The following RAPGEF2 variants were observed in gnomAD, a reference collection of about 807,000 sequenced individuals.
The protein encoded by RAPGEF2 is PDZ domain containing guanine nucleotide exchange factor (GEF) 1.
RAPGEF2 carries 54 observed loss-of-function variants against 186.7 expected under a neutral mutation model. The ratio of observed to expected loss-of-function variants is 0.29; its 90% CI spans 0.23 to 0.36. The LOEUF is 0.36. Among genes scored for constraint, RAPGEF2 ranks in the 10% least tolerant of loss-of-function variants. The probability of loss-of-function intolerance (pLI) is 1.00; values close to 1 mark genes in which losing one functional copy is unlikely to be tolerated. For missense variants in RAPGEF2, 1,532 were observed against 2,045.0 expected, an observed-to-expected ratio of 0.75 and a Z score of 4.84; for synonymous variants, 712 against 705.9, an observed-to-expected ratio of 1.01 and a Z score of -0.14.
chr4:159,241,238 G>T lies in RAPGEF2; in HGVS notation c.395G>T (p.Arg132Leu). Residue 132 changes from arginine to leucine, a missense_variant, in exon 6 of 30, where the codon CGG (arginine) becomes CTG (leucine). Physicochemically the swap from Arg to Leu is moderately radical, Grantham distance 102 (BLOSUM62 -2). Transcript: ENST00000691494. ...YMDENEEYFQ[R>L]QASHRQSRRR... ...GATGAAAATGAAGAATATTTTCAGCGGCAAGCTTCCCATAGACAGTCTCGA... is the reference window on the plus strand; with the variant it reads ...GATGAAAATGAAGAATATTTTCAGCTGCAAGCTTCCCATAGACAGTCTCGA... The T allele has an allele frequency of 1.3e-6, 2 of 1,529,798 alleles. No homozygotes were observed. The highest frequency in any genetic ancestry group is 1.7e-6 in the Non-Finnish European group (2 of 1,143,302). 94.8% of individuals were successfully genotyped at this position (1,529,798 alleles called of 1,614,324 possible). A position where few individuals can be genotyped will look rare whatever the true frequency, so the allele number is the denominator to read the frequency against.
intron 11 of RAPGEF2, among the ~76,000 whole-genome samples, chr4:159,324,217 G>A (rs894332745): frequency 2.0e-5 from 3 of 151,158 alleles, no homozygotes; most frequent in East Asian, 2.0e-4. Flanking sequence ...TAGTAGAGAC[G>A]GGGTCTTGCC....
intron 7 of RAPGEF2, among the ~76,000 whole-genome samples, chr4:159,270,835 C>T (rs2110811769): frequency 6.6e-6 from 1 of 152,088 alleles, no homozygotes; most frequent in African/African-American, 2.4e-5. Flanking sequence ...AGATGAATAC[C>T]CATGTGTCAC....
chr4:159,226,716 A>G (rs534860718), intron 4 of RAPGEF2, among the ~76,000 whole-genome samples: 1 of 152,106 alleles, frequency 6.6e-6, no homozygotes, highest in Non-Finnish European at 1.5e-5. Flanking sequence ...ATTCCTCAGT[A>G]TTTTATGTTT....
Position 159,284,213 on chromosome 4 carries a change from G to T in RAPGEF2, c.544-20129G>T, listed in dbSNP as rs140158648. ...TTTTTAGAGTTTTCCCCAATCAATGGAGAAAAGCACCTACCTTCGCCTAAC... is the reference window on the plus strand; with the variant it reads ...TTTTTAGAGTTTTCCCCAATCAATGTAGAAAAGCACCTACCTTCGCCTAAC... On this transcript the variant is annotated intron_variant, in intron 7 of 29. Coordinates refer to ENST00000691494, the MANE Select transcript of RAPGEF2 (RefSeq NM_001394067.2). Among the ~76,000 whole-genome samples, 618 of 152,120 alleles carry T rather than the reference G, an allele frequency of 4.1e-3. 2 individuals are homozygous for T. The highest frequency in any genetic ancestry group is 0.014 in the African/African-American group (590 of 41,490).
In RAPGEF2 at chr4:159,210,381, G is replaced by A. The variant is rs1750402732; in HGVS notation, c.198-119G>A. 3.6e-5 allele frequency: 22 copies of A among 614,400 alleles called. No individual in the cohort carries two copies. In the South Asian group the frequency reaches 4.4e-4, roughly 12 times the overall value. The allele number at this position is 614,400 out of a possible 1,614,324, so 38.1% of individuals were successfully genotyped here. ...ATAATGGTATTTTTATGAATGTGTT[G>A]TATGCTATTCTTTATTATTTTAAAA... is the stretch of plus-strand genomic sequence containing the variant. On this transcript the variant is annotated intron_variant, in intron 3 of 29. Coordinates refer to ENST00000691494, the MANE Select transcript of RAPGEF2 (RefSeq NM_001394067.2).
At chr4:159,250,829 A>C (rs996115935) in intron 7 of RAPGEF2, among the ~76,000 whole-genome samples, 10 of 152,028 alleles carry the variant, frequency 6.6e-5, no homozygotes, top group Non-Finnish European at 1.3e-4. Flanking sequence ...GCCATCCTGG[A>C]GGAGCCCTTC....
At chr4:159,348,272 ATGGATGGATG>A (rs1277481620) in intron 25 of RAPGEF2, among the ~76,000 whole-genome samples, 21 of 151,610 alleles carry the variant, frequency 1.4e-4, no homozygotes, top group Non-Finnish European at 2.1e-4. Flanking sequence ...GGATGGATGG[ATGGATGGATG>A]GATAGATAGA....
chr4:159,103,303 TGGGCCGGAGGGCTGCAGCCC>T lies in RAPGEF2; in HGVS notation c.-852_-833del, dbSNP rs1222493848. The stretch of plus-strand genomic sequence containing the variant: ...GAGGAACAAAGTTGCCGAGAGCGAC[TGGGCCGGAGGGCTGCAGCCC>T]GGGCCGGGTGCTCTGGCCGCGGCGG... On this transcript the variant is annotated 5_prime_UTR_variant, in exon 1 of 30. Transcript: ENST00000691494. 1 of 152,018 alleles carries T rather than the reference TGGGCCGGAGGGCTGCAGCCC, an allele frequency of 6.6e-6. No homozygotes were observed. Among genetic ancestry groups the T allele is most frequent in the Non-Finnish European group, 1.5e-5 (1 of 67,820 alleles). 9.4% of individuals were successfully genotyped at this position (152,018 alleles called of 1,614,324 possible). A position where few individuals can be genotyped will look rare whatever the true frequency, so the allele number is the denominator to read the frequency against.
chr4:159,356,505 C>G (rs7699385), intron 29 of RAPGEF2, among the ~76,000 whole-genome samples: 95,409 of 151,976 alleles, frequency 0.63, 31,546 homozygotes, highest in African/African-American at 0.81. Context: ...CTTAAAAAAT[C>G]CCAAAGATTA....
At chr4:159,265,239 C>T (rs1757302030) in intron 7 of RAPGEF2, among the ~76,000 whole-genome samples, 1 of 152,140 alleles carries the variant, frequency 6.6e-6, no homozygotes, top group African/African-American at 2.4e-5. Context: ...ATGGCACCAG[C>T]CATCATGGAG....
At chr4:159,354,212 T>A (rs1445973030) in intron 28 of RAPGEF2, among the ~76,000 whole-genome samples, 166 bp downstream of exon 28, 2 of 152,198 alleles carry the variant, frequency 1.3e-5, no homozygotes, top group Non-Finnish European at 2.9e-5. Flanking sequence ...TCAATAGTGG[T>A]TAAGAGCCCA....
At chr4:159,344,629 T>G (rs1056581478) in intron 23 of RAPGEF2, among the ~76,000 whole-genome samples, 1 of 152,196 alleles carries the variant, frequency 6.6e-6, no homozygotes, top group African/African-American at 2.4e-5. Flanking sequence ...ATTAACAGAT[T>G]GACCGTATTA....
chr4:159,266,248 G>A (rs1300786047), intron 7 of RAPGEF2, among the ~76,000 whole-genome samples: 1 of 152,078 alleles, frequency 6.6e-6, no homozygotes, highest in East Asian at 1.9e-4. Context: ...GTTGCCTTTA[G>A]ATATGAGGAG....
chr4:159,161,538 T>C (rs1227035058), intron 1 of RAPGEF2, among the ~76,000 whole-genome samples: 1 of 152,048 alleles, frequency 6.6e-6, no homozygotes, highest in Non-Finnish European at 1.5e-5. Flanking sequence ...ACCCTGTTTC[T>C]ACCAAAAATA....
intron 7 of RAPGEF2, among the ~76,000 whole-genome samples, chr4:159,249,186 A>G (rs1277418432): frequency 1.3e-5 from 2 of 151,914 alleles, no homozygotes; most frequent in Non-Finnish European, 2.9e-5. Flanking sequence ...TGCAACAGCG[A>G]AGATGCTTTT....
chr4:159,282,625 A>C, intron 7 of RAPGEF2: 1 of 448,102 alleles, frequency 2.2e-6, no homozygotes, highest in Non-Finnish European at 4.5e-6. Context: ...TTTCTAACGA[A>C]AGAGACTACA....
In RAPGEF2 at chr4:159,353,090, A is replaced by G. The variant is rs147682864; in HGVS notation, c.4091+180A>G. On this transcript the variant is annotated intron_variant, in intron 27 of 29. Transcript: ENST00000691494. This position sits in a 1 kb window ranked among gnomAD's most constrained non-coding sequence, Gnocchi z 4.3. ...GTATCATGTTATTTTTGTTAAGCAG[A>G]CTGCTTTTTTAGTTAAGTTTATTCT... 1.0e-3 allele frequency among the ~76,000 whole-genome samples: 154 copies of G among 152,208 alleles called. No individual in the cohort carries two copies. Among genetic ancestry groups the G allele is most frequent in the Admixed American group, 1.5e-3 (23 of 15,276 alleles).
chr4:159,336,672 CTA>C lies in RAPGEF2; in HGVS notation c.2136-1638_2136-1637del, dbSNP rs199935711. Reference sequence around the variant, plus strand: ...TTTTTCGTATAATGTGAAATTGTCTCTAGTTTTAATTTTTGTCTTTAAAAAAT... The same window carrying C: ...TTTTTCGTATAATGTGAAATTGTCTCGTTTTAATTTTTGTCTTTAAAAAAT... On this transcript the variant is annotated intron_variant, in intron 17 of 29. Coordinates refer to ENST00000691494, the MANE Select transcript of RAPGEF2 (RefSeq NM_001394067.2). 3.5e-3 allele frequency among the ~76,000 whole-genome samples: 525 copies of C among 151,890 alleles called. 9 individuals carry two copies. Among genetic ancestry groups the C allele is most frequent in the Admixed American group, 0.028 (423 of 15,266 alleles).
At chr4:159,323,733 T>TG in intron 11 of RAPGEF2, 116 bp downstream of exon 11, 1 of 660,000 alleles carries the variant, frequency 1.5e-6, no homozygotes, top group Non-Finnish European at 2.1e-6. Flanking sequence ...TTTTTTTTTT[T>TG]TTTGAGACAG....
Sources: gnomAD v4.1 joint callset for allele counts (sites outside exome capture counted in the v4.1 genomes callset) on GRCh38, gnomAD v4.1.1 for gene constraint, Gnocchi (gnomAD v3.1) non-coding constraint, MANE v1.5 for transcripts, NCBI Gene and HGNC (gene_info 2026-07-23, HGNC 2026-07-21) for gene names.